NEGR1: variants seen among roughly 807,000 people sequenced by gnomAD.
The protein encoded by NEGR1 is neuronal growth regulator 1.
A neutral mutation model predicts 40.9 loss-of-function variants in NEGR1; 10 were observed. The ratio of observed to expected loss-of-function variants is 0.24; its 90% CI spans 0.15 to 0.42. NEGR1 has a LOEUF of 0.42. Among genes scored for constraint, NEGR1 ranks in the 10% least tolerant of loss-of-function variants. NEGR1 has a pLI of 1.00. For missense variants in NEGR1, 352 were observed against 438.9 expected, an observed-to-expected ratio of 0.80 and a Z score of 1.77; for synonymous variants, 185 against 166.8, an observed-to-expected ratio of 1.11 and a Z score of -0.84.
chr1:72,049,722 G>A (rs567590188), intron 1 of NEGR1, among the ~76,000 whole-genome samples: 1 of 151,606 alleles, frequency 6.6e-6, no homozygotes, highest in East Asian at 1.9e-4. Context: ...AAAGGTGAGC[G>A]TTTTGTGAAT....
At chr1:72,034,532 T>C (rs955955846) in intron 1 of NEGR1, among the ~76,000 whole-genome samples, 1 of 152,178 alleles carries the variant, frequency 6.6e-6, no homozygotes, top group African/African-American at 2.4e-5. Flanking sequence ...TATTTTGTGA[T>C]AATATAGTAA....
intron 1 of NEGR1, among the ~76,000 whole-genome samples, chr1:72,009,953 C>A (rs1441957451): frequency 1.3e-5 from 2 of 151,914 alleles, no homozygotes; most frequent in Non-Finnish European, 2.9e-5. Context: ...TATTCAAAAG[C>A]AGAGACTGGA....
chr1:71,837,631 C>A (rs1017143969), intron 2 of NEGR1, among the ~76,000 whole-genome samples: 2 of 152,106 alleles, frequency 1.3e-5, no homozygotes, highest in East Asian at 3.9e-4. Context: ...CTCTATCTAC[C>A]CTATAATAAG....
At chr1:72,077,511 TG>T (rs1200259313) in intron 1 of NEGR1, among the ~76,000 whole-genome samples, 1 of 152,064 alleles carries the variant, frequency 6.6e-6, no homozygotes, top group African/African-American at 2.4e-5. Flanking sequence ...GTATTTTTGC[TG>T]GGTGCAGTAG....
intron 1 of NEGR1, among the ~76,000 whole-genome samples, chr1:72,049,024 C>T (rs977490174): frequency 1.3e-5 from 2 of 151,386 alleles, no homozygotes; most frequent in Non-Finnish European, 1.5e-5. Flanking sequence ...ATTTGGGTGT[C>T]CACTTTAGAG....
intron 6 of NEGR1, among the ~76,000 whole-genome samples, chr1:71,432,875 C>T (rs1646478974): frequency 6.6e-6 from 1 of 152,094 alleles, no homozygotes; most frequent in Non-Finnish European, 1.5e-5. Flanking sequence ...TGTGATTCTC[C>T]CCATGAACAT....
intron 2 of NEGR1, among the ~76,000 whole-genome samples, chr1:71,908,147 G>C (rs1212973938): frequency 6.7e-6 from 1 of 150,336 alleles, no homozygotes; most frequent in Non-Finnish European, 1.5e-5. Flanking sequence ...TACCTCATGA[G>C]TCTAAAATAA....
intron 4 of NEGR1, among the ~76,000 whole-genome samples, chr1:71,625,415 A>G (rs1033087988): frequency 6.6e-6 from 1 of 152,030 alleles, no homozygotes; most frequent in Non-Finnish European, 1.5e-5. Flanking sequence ...TAAAGCTACA[A>G]CTAAAAACAA....
intron 1 of NEGR1, among the ~76,000 whole-genome samples, chr1:72,206,348 T>C (rs2100455354): frequency 1.3e-5 from 2 of 152,180 alleles, no homozygotes; most frequent in East Asian, 1.9e-4. Context: ...TTTATGAAAA[T>C]ACCTGAACTA....
intron 3 of NEGR1, among the ~76,000 whole-genome samples, chr1:71,730,669 T>C (rs1445258031): frequency 6.7e-6 from 1 of 150,322 alleles, no homozygotes; most frequent in Non-Finnish European, 1.5e-5. Context: ...ACTTCCACAT[T>C]TTCCAAAATA....
intron 2 of NEGR1, among the ~76,000 whole-genome samples, chr1:71,787,280 A>G (rs968272729): frequency 2.6e-5 from 4 of 152,236 alleles, no homozygotes; most frequent in African/African-American, 9.6e-5. Flanking sequence ...TGGTGTTGGT[A>G]TCAAATAGAC....
chr1:71,827,794 G>C lies in NEGR1; in HGVS notation c.410-51497C>G, dbSNP rs561701749. The stretch of plus-strand genomic sequence containing the variant: ...ACTATACCGCGAGAGAGACAGGTAT[G>C]AAAAAACAGCATGATATCTTCAAGG... On this transcript the variant is annotated intron_variant, in intron 2 of 6. Transcript: ENST00000357731. Among the ~76,000 whole-genome samples the C allele has an allele frequency of 4.0e-5, 6 of 151,538 alleles. No homozygotes were observed. In the East Asian group the frequency reaches 9.8e-4, roughly 25 times the overall value.
At chr1:71,854,612 A>G (rs1341747662) in intron 2 of NEGR1, among the ~76,000 whole-genome samples, 1 of 152,034 alleles carries the variant, frequency 6.6e-6, no homozygotes, top group Non-Finnish European at 1.5e-5. Context: ...GGTTGAATTG[A>G]CCCACAGTTC....
intron 5 of NEGR1, among the ~76,000 whole-genome samples, chr1:71,596,720 T>C (rs572435581): frequency 2.4e-4 from 36 of 152,368 alleles, no homozygotes; most frequent in African/African-American, 7.5e-4. Flanking sequence ...AAGACTATTG[T>C]TCACTATCTG....
chr1:72,100,173 T>C (rs1648879187), intron 1 of NEGR1, among the ~76,000 whole-genome samples: 1 of 152,182 alleles, frequency 6.6e-6, no homozygotes. Flanking sequence ...CATAGAATTG[T>C]AGCTACCACC....
chr1:71,903,264 T>C (rs1191707946), intron 2 of NEGR1, among the ~76,000 whole-genome samples: 1 of 152,000 alleles, frequency 6.6e-6, no homozygotes, highest in Non-Finnish European at 1.5e-5. Flanking sequence ...TTTATGTCTG[T>C]TCATATTATA....
At chr1:72,005,087 A>C (rs1347956947) in intron 1 of NEGR1, among the ~76,000 whole-genome samples, 1 of 152,154 alleles carries the variant, frequency 6.6e-6, no homozygotes, top group African/African-American at 2.4e-5. Context: ...GTTAAGCACT[A>C]GCCTGGCATT....
intron 2 of NEGR1, among the ~76,000 whole-genome samples, chr1:71,808,901 C>T (rs79164022): frequency 0.016 from 2,456 of 152,254 alleles, 29 homozygotes; most frequent in Middle Eastern, 0.024. Context: ...CAACACCTCT[C>T]TATCTGTAAC....
intron 6 of NEGR1, among the ~76,000 whole-genome samples, chr1:71,435,907 T>C (rs1471195210): frequency 2.0e-5 from 3 of 152,216 alleles, no homozygotes; most frequent in African/African-American, 7.2e-5. Context: ...CAGAGTGGTC[T>C]GCTTCCTCCT....
Sources: allele counts gnomAD v4.1 joint callset (sites outside exome capture counted in the v4.1 genomes callset), GRCh38; gene constraint gnomAD v4.1.1; transcripts MANE v1.5; gene names NCBI Gene and HGNC (gene_info 2026-07-23, HGNC 2026-07-21).